TCAF1: variants seen among roughly 807,000 people sequenced by gnomAD.
The protein encoded by TCAF1 is TRPM8 channel-associated factor 1.
Under a neutral mutation model 27.3 loss-of-function variants are expected in TCAF1, and 4 were observed. The observed-to-expected ratio is 0.15, with a 90% confidence interval of 0.07 to 0.34. The LOEUF (loss-of-function observed/expected upper bound fraction) is 0.34, where lower values mean the gene tolerates loss of function less well. Ranked by LOEUF, TCAF1 falls within the 10% of genes least tolerant of loss-of-function variation. The probability of loss-of-function intolerance (pLI) is 1.00; values close to 1 mark genes in which losing one functional copy is unlikely to be tolerated. For synonymous variants in TCAF1, 105 were observed against 167.1 expected (o/e 0.63, Z 2.87); for missense variants, 257 against 425.8 (o/e 0.60, Z 3.49).
intron 1 of TCAF1, chr7:143,886,498 T>TTCAACTAGGTCACAAACC: frequency 1.0e-6 from 1 of 985,064 alleles, no homozygotes; most frequent in Non-Finnish European, 1.2e-6. Context: ...TATTCCCCAC[T>TTCAACTAGGTCACAAACC]TCAACTAGGT....
At chr7:143,886,535 C>CTGGA in intron 1 of TCAF1, 1 of 984,970 alleles carries the variant, frequency 1.0e-6, no homozygotes, top group Non-Finnish European at 1.2e-6. Context: ...GTAATGTCCA[C>CTGGA]TGGATGGATG....
At chr7:143,882,598 A>T (rs1813124531) in intron 1 of TCAF1, 3 of 985,566 alleles carry the variant, frequency 3.0e-6, no homozygotes, top group Non-Finnish European at 3.6e-6. Flanking sequence ...CGGCACACCC[A>T]GACCCACGGC....
intron 1 of TCAF1, among the ~76,000 whole-genome samples, chr7:143,892,304 T>C (rs982210598): frequency 1.3e-4 from 20 of 152,044 alleles, no homozygotes; most frequent in African/African-American, 4.6e-4. Context: ...AAATTTTGCA[T>C]TGAGAATACA....
intron 1 of TCAF1, among the ~76,000 whole-genome samples, chr7:143,899,716 G>T (rs1231987353): frequency 1.3e-5 from 2 of 152,110 alleles, no homozygotes; most frequent in Admixed American, 1.3e-4. Context: ...AAGCAAATTG[G>T]AAAGATGTCT....
At chr7:143,893,495 C>T (rs1426067248) in intron 1 of TCAF1, among the ~76,000 whole-genome samples, 1 of 151,926 alleles carries the variant, frequency 6.6e-6, no homozygotes, top group East Asian at 1.9e-4. Context: ...CAAACATTTT[C>T]TCAAATAAAA....
chr7:143,878,315 G>A (rs988909552), intron 1 of TCAF1, among the ~76,000 whole-genome samples: 2 of 152,172 alleles, frequency 1.3e-5, no homozygotes, highest in African/African-American at 2.4e-5. Flanking sequence ...AGCATGTATT[G>A]ATTCTGATTT....
At chr7:143,894,560 C>T (rs1351485203) in intron 1 of TCAF1, among the ~76,000 whole-genome samples, 1 of 151,584 alleles carries the variant, frequency 6.6e-6, no homozygotes, top group Non-Finnish European at 1.5e-5. Flanking sequence ...ATATCATATA[C>T]AAAAAATACT....
chr7:143,885,346 G>T (rs866907335), intron 1 of TCAF1: 1 of 984,786 alleles, frequency 1.0e-6, no homozygotes, highest in East Asian at 1.1e-4. Context: ...CGTGTGGGGG[G>T]AGGTGGGCTG....
At chr7:143,895,507 G>A (rs896426780) in intron 1 of TCAF1, among the ~76,000 whole-genome samples, 3 of 151,744 alleles carry the variant, frequency 2.0e-5, no homozygotes. Flanking sequence ...AAATTACCTA[G>A]AGTAGGGAAA....
rs952292717 is a variant in TCAF1 at position 143,902,102 on chromosome 7, A to T, written c.-156T>A. On this transcript the variant is annotated 5_prime_UTR_variant, in exon 1 of 9. Transcript: ENST00000479870. ...CTAGGAGCGGGAGGCGGTTGTTCCCAGGAGGAAGCAGCTTCTCCGCCCAGG... is the reference window on the plus strand; with the variant it reads ...CTAGGAGCGGGAGGCGGTTGTTCCCTGGAGGAAGCAGCTTCTCCGCCCAGG... 6.6e-6 allele frequency: 1 copy of T among 152,440 alleles called. No individual in the cohort carries two copies. Among genetic ancestry groups the T allele is most frequent in the Non-Finnish European group, 1.5e-5 (1 of 68,250 alleles). 9.4% of individuals were successfully genotyped at this position (152,440 alleles called of 1,614,324 possible). A position where few individuals can be genotyped will look rare whatever the true frequency, so the allele number is the denominator to read the frequency against.
In TCAF1 at chr7:143,876,120, A is replaced by G. The variant is rs1812684687; in HGVS notation, c.489T>C (p.Asp163=). The part of the protein sequence containing the change: ...QAWDWANQGE[D]ERVLFTFPGN... ...CAGGGAACGTGAACAGAACCCTTTC[A>G]TCCTCCCCCTGGTTGGCCCAATCCC... is the stretch of plus-strand genomic sequence containing the variant. Residue 163 remains aspartate (D), a synonymous_variant, in exon 2 of 9, where the codon GAT becomes GAC. Transcript: ENST00000479870. The G allele has an allele frequency of 6.2e-7, 1 of 1,614,162 alleles. No homozygotes were observed. Among genetic ancestry groups the G allele is most frequent in the Non-Finnish European group, 8.5e-7 (1 of 1,180,020 alleles).
intron 1 of TCAF1, among the ~76,000 whole-genome samples, chr7:143,901,586 T>C (rs1453878393): frequency 6.6e-6 from 1 of 152,026 alleles, no homozygotes; most frequent in African/African-American, 2.4e-5. Flanking sequence ...CTGGGGTGGA[T>C]GAGAACTTCC....
intron 1 of TCAF1, among the ~76,000 whole-genome samples, chr7:143,896,342 G>A (rs1321249957): frequency 1.3e-5 from 2 of 151,916 alleles, no homozygotes; most frequent in Admixed American, 6.6e-5. Context: ...CAAGATATAT[G>A]AAGCAAAAAT....
chr7:143,902,113 G>C lies in TCAF1; in HGVS notation c.-167C>G, dbSNP rs927154694. 4 of 152,570 alleles carry C rather than the reference G, an allele frequency of 2.6e-5. No individual in the cohort carries two copies. Among genetic ancestry groups the C allele is most frequent in the Non-Finnish European group, 5.9e-5 (4 of 68,228 alleles). The allele number at this position is 152,570 out of a possible 1,614,324, so 9.5% of individuals were successfully genotyped here. ...AGGCGGTTGTTCCCAGGAGGAAGCAGCTTCTCCGCCCAGGAGGCAAAGGGC... is the reference window on the plus strand; with the variant it reads ...AGGCGGTTGTTCCCAGGAGGAAGCACCTTCTCCGCCCAGGAGGCAAAGGGC... On this transcript the variant is annotated 5_prime_UTR_variant, in exon 1 of 9. Coordinates refer to ENST00000479870, the MANE Select transcript of TCAF1 (RefSeq NM_014719.3).
At chr7:143,886,966 A>T (rs1026410527) in intron 1 of TCAF1, among the ~76,000 whole-genome samples, 1 of 150,080 alleles carries the variant, frequency 6.7e-6, no homozygotes, top group Non-Finnish European at 1.5e-5. Flanking sequence ...TTCCGCTCCC[A>T]AAGTACTGGG....
chr7:143,897,526 T>C (rs1471309427), intron 1 of TCAF1, among the ~76,000 whole-genome samples: 2 of 152,114 alleles, frequency 1.3e-5, no homozygotes, highest in Non-Finnish European at 2.9e-5. Flanking sequence ...AGGACTCAAA[T>C]GTTATATACA....
In TCAF1 at chr7:143,899,347, A is replaced by G. The variant is rs541461085; in HGVS notation, c.-15+2614T>C. 8.5e-5 allele frequency among the ~76,000 whole-genome samples: 13 copies of G among 152,348 alleles called. 1 individual carries two copies. The East Asian group carries it at 2.5e-3, about 29-fold the overall frequency. ...CTATAGTGGTTAAAAATTATTTAGTATTGAGGCAGAGTTAGACAAATAGAA... is the reference window on the plus strand; with the variant it reads ...CTATAGTGGTTAAAAATTATTTAGTGTTGAGGCAGAGTTAGACAAATAGAA... On this transcript the variant is annotated intron_variant, in intron 1 of 8. Coordinates refer to ENST00000479870, the MANE Select transcript of TCAF1 (RefSeq NM_014719.3).
At chr7:143,898,768 G>A (rs897151492) in intron 1 of TCAF1, among the ~76,000 whole-genome samples, 2 of 152,184 alleles carry the variant, frequency 1.3e-5, no homozygotes, top group African/African-American at 2.4e-5. Context: ...GAGTGCAATG[G>A]TTTGAATGTG....
chr7:143,875,975 G>A lies in TCAF1; in HGVS notation c.620+14C>T. The A allele has an allele frequency of 6.5e-7, 1 of 1,528,668 alleles. No homozygotes were observed. Among genetic ancestry groups the A allele is most frequent in the Non-Finnish European group, 8.8e-7 (1 of 1,138,488 alleles). The allele number at this position is 1,528,668 out of a possible 1,614,324, so 94.7% of individuals were successfully genotyped here. ...AACCCTGGAGCCAACTCCCCAGTGG[G>A]GTAACATACTCACCTAACCAACACT... On this transcript the variant is annotated intron_variant, in intron 2 of 8. Transcript: ENST00000479870.
Sources: gnomAD v4.1 joint callset for allele counts (sites outside exome capture counted in the v4.1 genomes callset) on GRCh38, gnomAD v4.1.1 for gene constraint, MANE v1.5 for transcripts, NCBI Gene and HGNC (gene_info 2026-07-23, HGNC 2026-07-21) for gene names.